Variants in IQCM observed in about 807,000 individuals in gnomAD.
The protein encoded by IQCM is IQ motif containing M, also known as IQ domain-containing protein M.
In IQCM, 45 loss-of-function variants were observed where a neutral mutation model predicts 57.6. The ratio of observed to expected loss-of-function variants is 0.78; its 90% CI spans 0.62 to 1.00. IQCM has a LOEUF of 1.00. IQCM is among the 50% of genes least tolerant of loss of function. IQCM has a pLI of 0.00. For missense variants in IQCM, 468 were observed against 511.6 expected, an observed-to-expected ratio of 0.91 and a Z score of 0.82; for synonymous variants, 148 against 158.9, an observed-to-expected ratio of 0.93 and a Z score of 0.51.
At chr4:149,719,607 T>C (rs967880029) in intron 5 of IQCM, among the ~76,000 whole-genome samples, 2 of 152,182 alleles carry the variant, frequency 1.3e-5, no homozygotes, top group Non-Finnish European at 2.9e-5. Flanking sequence ...TTCAGAGATA[T>C]AAACAATGTC....
chr4:149,810,745 C>T (rs1435659115), intron 2 of IQCM, among the ~76,000 whole-genome samples: 2 of 152,146 alleles, frequency 1.3e-5, no homozygotes, highest in South Asian at 2.1e-4. Context: ...CCACCATGCC[C>T]AGCCCAAAAC....
At chr4:149,511,727 A>G (rs889148285) in intron 12 of IQCM, among the ~76,000 whole-genome samples, 1 of 152,140 alleles carries the variant, frequency 6.6e-6, no homozygotes, top group Non-Finnish European at 1.5e-5. Context: ...ACATTACAGC[A>G]GAGCAGTGAT....
At chr4:149,400,423 A>G (rs999472983) in intron 13 of IQCM, among the ~76,000 whole-genome samples, 1 of 152,082 alleles carries the variant, frequency 6.6e-6, no homozygotes, top group East Asian at 1.9e-4. Context: ...GATTGTCTAC[A>G]TGCAGACTTC....
intron 2 of IQCM, among the ~76,000 whole-genome samples, chr4:149,801,800 TAGAA>T (rs1278292133): frequency 1.3e-5 from 2 of 151,742 alleles, no homozygotes; most frequent in Non-Finnish European, 2.9e-5. Context: ...CCAAAAAAAA[TAGAA>T]AGAATAAATA....
chr4:149,363,139 G>T (rs1304585064), intron 13 of IQCM, among the ~76,000 whole-genome samples: 1 of 152,238 alleles, frequency 6.6e-6, no homozygotes, highest in African/African-American at 2.4e-5. Flanking sequence ...CAGAGCATCA[G>T]TGCTCTGGGA....
chr4:149,814,220 C>T (rs903758402), intron 2 of IQCM, among the ~76,000 whole-genome samples: 6 of 151,964 alleles, frequency 3.9e-5, no homozygotes, highest in Non-Finnish European at 8.8e-5. Context: ...AACTGCAAGA[C>T]CTTCCAAGAG....
At chr4:149,529,792 C>T (rs1215582169) in intron 12 of IQCM, among the ~76,000 whole-genome samples, 2 of 152,142 alleles carry the variant, frequency 1.3e-5, no homozygotes, top group Non-Finnish European at 1.5e-5. Flanking sequence ...TTCATGCTTC[C>T]TCTTTTGGGC....
intron 2 of IQCM, among the ~76,000 whole-genome samples, chr4:149,788,730 A>G (rs1772302842): frequency 2.0e-5 from 3 of 152,248 alleles, no homozygotes; most frequent in Admixed American, 2.0e-4. Context: ...AATAACTAAG[A>G]CAAAGAATCA....
At chr4:149,564,239 A>C (rs562744431) in intron 9 of IQCM, among the ~76,000 whole-genome samples, 5 of 152,236 alleles carry the variant, frequency 3.3e-5, no homozygotes, top group Non-Finnish European at 7.3e-5. Flanking sequence ...TAAACTACAG[A>C]GTACTTCAAA....
chr4:149,401,488 A>T (rs1732616223), intron 13 of IQCM, among the ~76,000 whole-genome samples: 1 of 151,788 alleles, frequency 6.6e-6, no homozygotes, highest in Non-Finnish European at 1.5e-5. Context: ...TTAGTTAAGG[A>T]CCATATATGT....
intron 13 of IQCM, among the ~76,000 whole-genome samples, chr4:149,412,899 A>C (rs549999914): frequency 6.6e-6 from 1 of 152,256 alleles, no homozygotes; most frequent in East Asian, 1.9e-4. Flanking sequence ...TAAAAAGTTC[A>C]GAGTGGCAAG....
intron 13 of IQCM, among the ~76,000 whole-genome samples, chr4:149,416,652 G>C (rs990039474): frequency 4.6e-5 from 7 of 152,070 alleles, no homozygotes; most frequent in African/African-American, 1.7e-4. Context: ...CATAGTTCTT[G>C]AGGTAAGAGT....
intron 12 of IQCM, among the ~76,000 whole-genome samples, chr4:149,538,153 A>T (rs1747488650): frequency 6.6e-6 from 1 of 151,676 alleles, no homozygotes; most frequent in Non-Finnish European, 1.5e-5. Context: ...TCCTTTCAAA[A>T]GTATATTATT....
At chr4:149,475,899 G>C (rs534492869) in intron 12 of IQCM, among the ~76,000 whole-genome samples, 30 of 152,196 alleles carry the variant, frequency 2.0e-4, no homozygotes, top group African/African-American at 6.7e-4. Flanking sequence ...GGACAGGGTA[G>C]GAAGGTGTAT....
chr4:149,556,783 C>T (rs1749627128), intron 10 of IQCM, among the ~76,000 whole-genome samples: 2 of 152,138 alleles, frequency 1.3e-5, no homozygotes, highest in African/African-American at 2.4e-5. Flanking sequence ...AAGAAACTAG[C>T]GAAGACCTTA....
chr4:149,417,761 C>A (rs554055857), intron 13 of IQCM, among the ~76,000 whole-genome samples: 4 of 151,432 alleles, frequency 2.6e-5, no homozygotes, highest in South Asian at 4.2e-4. Context: ...AGGTTCCAAG[C>A]TAGTGGGGAT....
rs374627115 is a variant in IQCM, at chr4:149,759,385, C to A, written c.-48-16646G>T. ...TAGAATGTATAACACCAAGAGTGAA[C>A]CCTCATGTAAACTATGGGTGTTGGG... is the stretch of plus-strand genomic sequence containing the variant. On this transcript the variant is annotated intron_variant, in intron 2 of 13. Transcript: ENST00000636793. Among the ~76,000 whole-genome samples, 26 of 152,154 alleles carry A rather than the reference C, an allele frequency of 1.7e-4. No individual in the cohort carries two copies. In the East Asian group the frequency reaches 4.3e-3, roughly 25 times the overall value.
At chr4:149,761,577 T>C (rs972045209) in intron 2 of IQCM, among the ~76,000 whole-genome samples, 1 of 152,164 alleles carries the variant, frequency 6.6e-6, no homozygotes, top group Non-Finnish European at 1.5e-5. Flanking sequence ...TCCTTTATAA[T>C]ACTTGTCCTT....
At chr4:149,716,612 C>T (rs1465870056) in intron 5 of IQCM, among the ~76,000 whole-genome samples, 5 of 152,168 alleles carry the variant, frequency 3.3e-5, no homozygotes, top group African/African-American at 1.2e-4. Flanking sequence ...CAAGCCTGCC[C>T]GGCTGCAGCC....
Sources: allele counts gnomAD v4.1 joint callset (sites outside exome capture counted in the v4.1 genomes callset), GRCh38; gene constraint gnomAD v4.1.1; transcripts MANE v1.5; gene names NCBI Gene and HGNC (gene_info 2026-07-23, HGNC 2026-07-21).